Variants in ANKRD31 observed in about 807,000 individuals in gnomAD.
ANKRD31 encodes ankyrin repeat domain 31, also known as ankyrin repeat domain-containing protein 31.
A neutral mutation model predicts 186.0 loss-of-function variants in ANKRD31; 147 were observed. The observed-to-expected ratio is 0.79, with a 90% CI of 0.69 to 0.91. ANKRD31 has a LOEUF of 0.91. Among genes scored for constraint, ANKRD31 ranks in the 40% least tolerant of loss-of-function variants. ANKRD31 has a pLI of 0.00. For synonymous variants in ANKRD31, 673 were observed against 736.4 expected (o/e 0.91, Z 1.39); for missense variants, 1,986 against 2,148.8 (o/e 0.92, Z 1.50).
Position 75,084,373 on chromosome 5 carries a change from AC to A in ANKRD31, c.5473del (p.Val1825Ter), listed in dbSNP as rs1460758663. 1 of 1,535,120 alleles carries A rather than the reference AC, an allele frequency of 6.5e-7. No homozygotes were observed. The highest frequency in any genetic ancestry group is 1.2e-5 in the South Asian group (1 of 84,026). ...YVTWNYAWSK[V>X]TYLGKELLRY... The stretch of plus-strand genomic sequence containing the variant: ...TAAAAGCTCCTTCCCAAGATACGTT[AC>A]CTGCACATAATTAAGCACAAAATTT... On this transcript the variant is annotated frameshift_variant and splice_region_variant, in exon 24 of 26. Transcript: ENST00000506364. LOFTEE classifies it high-confidence loss of function.
intron 17 of ANKRD31, among the ~76,000 whole-genome samples, chr5:75,125,991 T>C (rs918127720): frequency 1.3e-5 from 2 of 152,230 alleles, no homozygotes; most frequent in South Asian, 2.1e-4. Flanking sequence ...TCTGCCCCTC[T>C]GCAATCACTT....
chr5:75,196,038 T>C lies in ANKRD31; in HGVS notation c.610A>G (p.Thr204Ala). The part of the protein sequence containing the change: ...FFEPRKEVTM[T>A]MTSEETKDEE... ...TCCTTAGTTTCTTCAGAAGTCATGGTCATTGTGACTTCCTTTCTAGGCTCA... is the reference window on the plus strand; with the variant it reads ...TCCTTAGTTTCTTCAGAAGTCATGGCCATTGTGACTTCCTTTCTAGGCTCA... Residue 204 changes from threonine to alanine, a missense_variant, in exon 7 of 26, where the codon ACC becomes GCC. Transcript: ENST00000506364. The C allele has an allele frequency of 6.5e-7, 1 of 1,536,206 alleles. No individual in the cohort carries two copies.
intron 11 of ANKRD31, among the ~76,000 whole-genome samples, chr5:75,163,429 A>T (rs1008875621): frequency 6.6e-6 from 1 of 152,150 alleles, no homozygotes; most frequent in African/African-American, 2.4e-5. Context: ...CCCTTTGTGG[A>T]TGTGCTTGCA....
intron 17 of ANKRD31, among the ~76,000 whole-genome samples, chr5:75,128,542 C>T (rs4704177): frequency 0.51 from 75,974 of 150,380 alleles, 22,242 homozygotes; most frequent in African/African-American, 0.82. Context: ...TCTGGCTCTG[C>T]TGCCCAGGCT....
At chr5:75,079,988 C>T (rs1744960457) in intron 25 of ANKRD31, among the ~76,000 whole-genome samples, 1 of 152,002 alleles carries the variant, frequency 6.6e-6, no homozygotes, top group Non-Finnish European at 1.5e-5. Flanking sequence ...CTCCCAGCTA[C>T]TTAGGAGGCT....
intron 15 of ANKRD31, among the ~76,000 whole-genome samples, chr5:75,140,196 T>C (rs1221477521): frequency 7.4e-6 from 1 of 135,226 alleles, no homozygotes; most frequent in African/African-American, 3.1e-5. Context: ...AGAGATACAC[T>C]CCGTCTCAAA....
At chr5:75,087,384 G>A (rs911410844) in intron 23 of ANKRD31, among the ~76,000 whole-genome samples, 7 of 152,102 alleles carry the variant, frequency 4.6e-5, no homozygotes, top group Admixed American at 6.5e-5. Flanking sequence ...GTGCATGCCT[G>A]TAGTCCCAGC....
Position 75,146,710 on chromosome 5 carries a change from CATT to C in ANKRD31, c.2698_2700del (p.Asn900del), listed in dbSNP as rs867900077. 202 of 1,535,970 alleles carry C rather than the reference CATT, an allele frequency of 1.3e-4. No individual in the cohort carries two copies. Among genetic ancestry groups the C allele is most frequent in the Middle Eastern group, 1.7e-4 (1 of 6,000 alleles). ...GAGGTAGAGCAATCATCATCATCATCATTATCAGAATTTTCCTTTACAAAGGAT... is the reference window on the plus strand; with the variant it reads ...GAGGTAGAGCAATCATCATCATCATCATCAGAATTTTCCTTTACAAAGGAT... On this transcript the variant is annotated inframe_deletion, in exon 14 of 26. Coordinates refer to ENST00000506364, the MANE Select transcript of ANKRD31 (RefSeq NM_001372053.1).
chr5:75,147,420 T>A lies in ANKRD31; in HGVS notation c.1991A>T (p.Asn664Ile). ...NRQKLEHVKV[N>I]KGSKASLFIN... ...AAATAAACTCGCTTTGCTTCCTTTATTGACTTTTACATGTTCCAGCTTCTG... is the reference window on the plus strand; with the variant it reads ...AAATAAACTCGCTTTGCTTCCTTTAATGACTTTTACATGTTCCAGCTTCTG... The change falls in exon 14 of 26, where the codon AAT (asparagine) becomes ATT (isoleucine). Residue 664 changes from asparagine to isoleucine, a missense_variant. Coordinates refer to ENST00000506364, the MANE Select transcript of ANKRD31 (RefSeq NM_001372053.1). 1 of 1,521,992 alleles carries A rather than the reference T, an allele frequency of 6.6e-7. No homozygotes were observed. Among genetic ancestry groups the A allele is most frequent in the Non-Finnish European group, 8.8e-7 (1 of 1,141,730 alleles). 94.3% of individuals were successfully genotyped at this position (1,521,992 alleles called of 1,614,324 possible).
At position 75,105,043 on chromosome 5, in the gene ANKRD31, T is replaced by C. The variant is rs986200921; in HGVS notation, c.4516A>G (p.Arg1506Gly). The change falls in exon 22 of 26, where the codon AGA becomes GGA. Residue 1506 changes from arginine to glycine, a missense_variant. Coordinates refer to ENST00000506364, the MANE Select transcript of ANKRD31 (RefSeq NM_001372053.1). The part of the protein sequence containing the change: ...PCLSLRKLPP[R>G]SEISSEKDSQ... The stretch of plus-strand genomic sequence containing the variant: ...TCTTTTTCACTAGAGATTTCTGATC[T>C]GGGTGGGAGCTTCCTTAAACTAAGA... The C allele has an allele frequency of 6.5e-7, 1 of 1,536,714 alleles. No individual in the cohort carries two copies. The highest frequency in any genetic ancestry group is 8.7e-7 in the Non-Finnish European group (1 of 1,146,778).
intron 2 of ANKRD31, among the ~76,000 whole-genome samples, chr5:75,223,098 A>T (rs925722625): frequency 6.6e-6 from 1 of 152,208 alleles, no homozygotes; most frequent in African/African-American, 2.4e-5. Context: ...CAGCCTTGAC[A>T]GCATCTATTG....
chr5:75,212,237 G>A (rs991367343), intron 3 of ANKRD31, among the ~76,000 whole-genome samples: 4 of 151,976 alleles, frequency 2.6e-5, no homozygotes, highest in Admixed American at 2.0e-4. Flanking sequence ...TGATGATTCT[G>A]AACAGCCATT....
intron 5 of ANKRD31, among the ~76,000 whole-genome samples, chr5:75,203,022 T>C (rs1417057265): frequency 6.6e-6 from 1 of 152,220 alleles, no homozygotes; most frequent in Admixed American, 6.5e-5. Context: ...TCATAGCCAA[T>C]TGCCACTTCA....
chr5:75,224,202 T>C (rs1757503396), intron 2 of ANKRD31, among the ~76,000 whole-genome samples: 1 of 140,424 alleles, frequency 7.1e-6, no homozygotes, highest in African/African-American at 2.8e-5. Context: ...CCATTAGAAT[T>C]CCAGAAAACC....
chr5:75,214,095 A>G (rs1412623642), intron 3 of ANKRD31, among the ~76,000 whole-genome samples: 1 of 152,230 alleles, frequency 6.6e-6, no homozygotes, highest in Non-Finnish European at 1.5e-5. Flanking sequence ...ATATTTAAAA[A>G]TATTTTCAAA....
At chr5:75,194,410 T>C (rs1347245971) in intron 7 of ANKRD31, among the ~76,000 whole-genome samples, 2 of 152,106 alleles carry the variant, frequency 1.3e-5, no homozygotes, top group Admixed American at 1.3e-4. Context: ...CTTCATGCCC[T>C]ATCTCCATAA....
At chr5:75,070,664 A>T (rs556425585) in intron 25 of ANKRD31, among the ~76,000 whole-genome samples, 1 of 152,282 alleles carries the variant, frequency 6.6e-6, no homozygotes, top group East Asian at 1.9e-4. Context: ...AGTCTTTTTA[A>T]GTTTTGCCAT....
At chr5:75,081,460 C>G (rs1745071178) in intron 24 of ANKRD31, among the ~76,000 whole-genome samples, 1 of 152,318 alleles carries the variant, frequency 6.6e-6, no homozygotes, top group East Asian at 1.9e-4. Context: ...TTTCTGACTT[C>G]ATGCTCACTT....
intron 10 of ANKRD31, among the ~76,000 whole-genome samples, chr5:75,174,726 A>C (rs1293728429): frequency 1.3e-5 from 2 of 152,204 alleles, no homozygotes; most frequent in Admixed American, 6.5e-5. Context: ...AAGTCAGGAA[A>C]CAACAGATGC....
Sources: allele counts gnomAD v4.1 joint callset (sites outside exome capture counted in the v4.1 genomes callset), GRCh38; gene constraint gnomAD v4.1.1; transcripts MANE v1.5; gene names NCBI Gene and HGNC (gene_info 2026-07-23, HGNC 2026-07-21).